FHIT: variants seen among roughly 807,000 people sequenced by gnomAD.
FHIT encodes bis(5'-adenosyl)-triphosphatase.
FHIT carries 19 observed loss-of-function variants against 17.9 expected under a neutral mutation model. That is an observed-to-expected ratio of 1.06 (90% CI 0.74 to 1.56). FHIT has a LOEUF of 1.56. Among genes scored for constraint, FHIT ranks in the 40% most tolerant of loss-of-function variants. The pLI is 0.00. For missense variants in FHIT, 248 were observed against 189.2 expected (o/e 1.31, Z -1.82); for synonymous variants, 81 against 69.7 (o/e 1.16, Z -0.81).
chr3:60,233,472 C>T (rs1026152167), intron 5 of FHIT, among the ~76,000 whole-genome samples: 1 of 152,108 alleles, frequency 6.6e-6, no homozygotes, highest in Admixed American at 6.5e-5. Context: ...CTCCAACAAA[C>T]TCCTCAGAGA....
chr3:59,787,608 G>A (rs542453130), intron 8 of FHIT, among the ~76,000 whole-genome samples: 12 of 151,778 alleles, frequency 7.9e-5, no homozygotes, highest in South Asian at 6.2e-4. Flanking sequence ...ATTCATTCAC[G>A]GATCTCTTGA....
chr3:59,768,306 G>A (rs1701902322), intron 8 of FHIT, among the ~76,000 whole-genome samples: 1 of 152,168 alleles, frequency 6.6e-6, no homozygotes, highest in Non-Finnish European at 1.5e-5. Flanking sequence ...GGTTTTCTTG[G>A]CACAGTAGCA....
At chr3:60,075,124 G>T (rs1342465793) in intron 5 of FHIT, among the ~76,000 whole-genome samples, 2 of 152,062 alleles carry the variant, frequency 1.3e-5, no homozygotes, top group East Asian at 3.9e-4. Context: ...ACCAGAAACT[G>T]CTCAACATAT....
intron 5 of FHIT, among the ~76,000 whole-genome samples, chr3:60,204,054 T>C (rs1435046888): frequency 6.6e-6 from 1 of 152,146 alleles, no homozygotes; most frequent in Admixed American, 6.5e-5. Context: ...AATAATTTAA[T>C]TGTACATTTT....
chr3:60,802,989 G>A (rs1161575943), intron 4 of FHIT, among the ~76,000 whole-genome samples: 1 of 152,088 alleles, frequency 6.6e-6, no homozygotes, highest in Admixed American at 6.5e-5. Context: ...TGGAGACAAT[G>A]GGATGTTTGC....
intron 8 of FHIT, among the ~76,000 whole-genome samples, chr3:59,770,014 G>A (rs1391486949): frequency 1.3e-5 from 2 of 151,980 alleles, no homozygotes; most frequent in African/African-American, 4.8e-5. Flanking sequence ...TTTCAATTTG[G>A]GTTGATGAAA....
chr3:61,117,297 T>G (rs1007475935), intron 2 of FHIT, among the ~76,000 whole-genome samples: 5 of 152,190 alleles, frequency 3.3e-5, no homozygotes, highest in Admixed American at 2.0e-4. Context: ...AGGTGCCTTC[T>G]GTTTAAATTC....
chr3:60,290,876 C>T (rs1361083145), intron 5 of FHIT, among the ~76,000 whole-genome samples: 1 of 152,116 alleles, frequency 6.6e-6, no homozygotes, highest in Admixed American at 6.5e-5. Flanking sequence ...GTGGCTGTGC[C>T]AAGAACTCCT....
intron 3 of FHIT, among the ~76,000 whole-genome samples, chr3:60,937,567 C>CTTTTTT (rs5849404): frequency 2.9e-4 from 39 of 135,108 alleles, no homozygotes; most frequent in East Asian, 6.7e-4. Flanking sequence ...CTTTTCTTTT[C>CTTTTTT]TTTTTTTTTT....
chr3:60,187,983 G>C (rs541080825), intron 5 of FHIT, among the ~76,000 whole-genome samples: 1 of 152,106 alleles, frequency 6.6e-6, no homozygotes, highest in East Asian at 1.9e-4. Flanking sequence ...AAAAGGCAAG[G>C]TTTATCAAAG....
At chr3:60,393,833 G>A (rs1018372460) in intron 5 of FHIT, among the ~76,000 whole-genome samples, 2 of 152,136 alleles carry the variant, frequency 1.3e-5, no homozygotes, top group Non-Finnish European at 2.9e-5. Context: ...ACCTATGCCA[G>A]GCTTGGATTC....
intron 4 of FHIT, among the ~76,000 whole-genome samples, chr3:60,755,842 A>G (rs1553718132): frequency 6.6e-6 from 1 of 152,234 alleles, no homozygotes. Flanking sequence ...TTCAGTACCT[A>G]TCAAGAGTGC....
At chr3:61,007,204 C>T (rs1042980326) in intron 3 of FHIT, among the ~76,000 whole-genome samples, 3 of 152,326 alleles carry the variant, frequency 2.0e-5, no homozygotes, top group African/African-American at 7.2e-5. Context: ...AAACAATTCT[C>T]TGTGCACTGA....
intron 1 of FHIT, among the ~76,000 whole-genome samples, chr3:61,239,760 GCCATAT>G (rs2040322012): frequency 3.1e-5 from 1 of 32,304 alleles, no homozygotes; most frequent in East Asian, 4.9e-4. Context: ...AAAACAACTG[GCCATAT>G]ATATATATAT....
At chr3:60,498,105 A>C (rs147316624) in intron 5 of FHIT, among the ~76,000 whole-genome samples, 119 of 152,342 alleles carry the variant, frequency 7.8e-4, no homozygotes, top group African/African-American at 2.7e-3. Context: ...TTAGTTACAG[A>C]AACAGGCAGG....
intron 5 of FHIT, among the ~76,000 whole-genome samples, chr3:60,180,838 G>C (rs1701898504): frequency 6.6e-6 from 1 of 152,094 alleles, no homozygotes; most frequent in Non-Finnish European, 1.5e-5. Context: ...TGGATTGCAA[G>C]ATTAAAGAAT....
chr3:60,273,091 A>G (rs918150100), intron 5 of FHIT, among the ~76,000 whole-genome samples: 14 of 152,218 alleles, frequency 9.2e-5, no homozygotes, highest in African/African-American at 3.4e-4. Context: ...AAAATGCAAG[A>G]TTTACATAAA....
chr3:60,929,528 A>G (rs1479701446), intron 3 of FHIT, among the ~76,000 whole-genome samples: 2 of 152,182 alleles, frequency 1.3e-5, no homozygotes, highest in Non-Finnish European at 2.9e-5. Context: ...AGGATACAAA[A>G]TCAATGTGCA....
chr3:61,152,472 A>T (rs761709366), intron 2 of FHIT, among the ~76,000 whole-genome samples: 2 of 152,252 alleles, frequency 1.3e-5, no homozygotes, highest in Non-Finnish European at 2.9e-5. Flanking sequence ...AATTAACTTA[A>T]ATATTAGCAA....
Sources: allele counts gnomAD v4.1 joint callset (sites outside exome capture counted in the v4.1 genomes callset), GRCh38; gene constraint gnomAD v4.1.1; transcripts MANE v1.5; gene names NCBI Gene and HGNC (gene_info 2026-07-23, HGNC 2026-07-21).